KIF5C: variants seen among roughly 807,000 people sequenced by gnomAD.
KIF5C encodes kinesin heavy chain isoform 5C.
KIF5C carries 18 observed loss-of-function variants against 125.2 expected under a neutral mutation model. That is an observed-to-expected ratio of 0.14 (90% CI 0.10 to 0.21). The LOEUF (loss-of-function observed/expected upper bound fraction) is 0.21, where lower values mean the gene tolerates loss of function less well. KIF5C is among the 10% of genes least tolerant of loss of function. KIF5C has a pLI of 1.00. For missense variants in KIF5C, 780 were observed against 1,183.8 expected (o/e 0.66, Z 5.01); for synonymous variants, 405 against 434.0 (o/e 0.93, Z 0.83).
At chr2:148,991,412 G>A (rs947397404) in intron 16 of KIF5C, among the ~76,000 whole-genome samples, 6 of 151,962 alleles carry the variant, frequency 3.9e-5, no homozygotes, top group East Asian at 1.9e-4. Flanking sequence ...TCCCTTTTTC[G>A]AGGATATATC....
intron 16 of KIF5C, among the ~76,000 whole-genome samples, chr2:148,994,174 GT>G (rs918315680): frequency 3.9e-5 from 6 of 152,128 alleles, no homozygotes; most frequent in African/African-American, 1.4e-4. Flanking sequence ...TAACTGGATG[GT>G]GAGGAGGGGC....
intron 16 of KIF5C, 136 bp from the exon 17 acceptor site, chr2:148,994,284 TG>T: frequency 1.7e-6 from 2 of 1,201,654 alleles, no homozygotes; most frequent in Non-Finnish European, 2.3e-6. Context: ...AAGGGTAAAA[TG>T]GGCACCATTT....
intron 17 of KIF5C, 23 bp downstream of exon 17, chr2:148,994,561 G>T (rs1473877393): frequency 1.3e-6 from 2 of 1,551,450 alleles, no homozygotes; most frequent in Admixed American, 3.9e-5. Flanking sequence ...CTAACGTGCA[G>T]GTGTCAAACA....
intron 11 of KIF5C, among the ~76,000 whole-genome samples, chr2:148,967,909 G>A (rs977579608): frequency 6.6e-6 from 1 of 152,120 alleles, no homozygotes; most frequent in African/African-American, 2.4e-5. Context: ...TACAGCTCCA[G>A]CTCATGCTAA....
intron 25 of KIF5C, among the ~76,000 whole-genome samples, chr2:149,017,722 A>G (rs4591316): frequency 0.047 from 7,205 of 152,284 alleles, 601 homozygotes; most frequent in African/African-American, 0.16. Flanking sequence ...AAGGAATACA[A>G]TTCTCACAGA....
At chr2:148,990,921 C>A (rs1681507064) in intron 15 of KIF5C, 89 bp from the exon 16 acceptor site, 1 of 1,483,100 alleles carries the variant, frequency 6.7e-7, no homozygotes, top group Non-Finnish European at 9.0e-7. Context: ...TCCATGGACA[C>A]CTTGGGGATC....
At chr2:148,916,697 A>G (rs201626803) in intron 1 of KIF5C, among the ~76,000 whole-genome samples, 1 of 152,064 alleles carries the variant, frequency 6.6e-6, no homozygotes, top group East Asian at 1.9e-4. Flanking sequence ...CTCTTTGTTC[A>G]TTGGACTAAT....
chr2:149,001,465 G>A (rs2105187657), intron 21 of KIF5C, among the ~76,000 whole-genome samples: 1 of 152,314 alleles, frequency 6.6e-6, no homozygotes, highest in East Asian at 1.9e-4. Flanking sequence ...GGGATATAAG[G>A]TGAGCACAGA....
intron 21 of KIF5C, among the ~76,000 whole-genome samples, chr2:149,002,977 G>C (rs1473740043): frequency 6.6e-6 from 1 of 152,090 alleles, no homozygotes; most frequent in Non-Finnish European, 1.5e-5. Flanking sequence ...GCTGGGCGCG[G>C]TTCCATGCGC....
chr2:148,880,601 C>G (rs1681320965), intron 1 of KIF5C, among the ~76,000 whole-genome samples: 1 of 152,174 alleles, frequency 6.6e-6, no homozygotes, highest in Non-Finnish European at 1.5e-5. Context: ...AGTGGTTGTA[C>G]CAATTTGCAT....
intron 1 of KIF5C, among the ~76,000 whole-genome samples, chr2:148,896,165 G>A (rs1681834476): frequency 6.6e-6 from 1 of 152,194 alleles, no homozygotes; most frequent in Admixed American, 6.5e-5. Context: ...TCTGAAGCCA[G>A]GAAACCCATC....
chr2:148,955,338 A>G (rs1401512996), intron 10 of KIF5C, among the ~76,000 whole-genome samples: 1 of 152,192 alleles, frequency 6.6e-6, no homozygotes, highest in Admixed American at 6.5e-5. Context: ...TATGCTTAGC[A>G]CTTACAATCA....
At chr2:148,977,160 T>C (rs918304330) in intron 12 of KIF5C, among the ~76,000 whole-genome samples, 4 of 152,252 alleles carry the variant, frequency 2.6e-5, no homozygotes, top group Admixed American at 2.6e-4. Flanking sequence ...CTGATACAAG[T>C]GATCCACGTC....
In KIF5C at chr2:149,023,594, A is replaced by C. The variant is rs1192310054; in HGVS notation, c.*524A>C. On this transcript the variant is annotated 3_prime_UTR_variant, in exon 26 of 26. Coordinates refer to ENST00000435030, the MANE Select transcript of KIF5C (RefSeq NM_004522.3). ...CCGAAACAAATTACCCCAAAGACAC[A>C]TTTTGAATATCCTGGTCACATCTTT... 6.6e-6 allele frequency: 1 copy of C among 152,654 alleles called. No individual in the cohort carries two copies. 9.5% of individuals were successfully genotyped at this position (152,654 alleles called of 1,614,324 possible).
At chr2:148,922,463 T>A (rs1461078414) in intron 2 of KIF5C, among the ~76,000 whole-genome samples, 1 of 152,242 alleles carries the variant, frequency 6.6e-6, no homozygotes, top group Non-Finnish European at 1.5e-5. Flanking sequence ...CCACCTTTTT[T>A]ATTTTGTCAC....
At chr2:149,015,137 G>A (rs1360927706) in intron 25 of KIF5C, among the ~76,000 whole-genome samples, 3 of 152,160 alleles carry the variant, frequency 2.0e-5, no homozygotes, top group African/African-American at 4.8e-5. Flanking sequence ...GCAGTGAGCC[G>A]AGATTGTGCC....
At chr2:148,907,918 T>C (rs1681179739) in intron 1 of KIF5C, among the ~76,000 whole-genome samples, 3 of 152,226 alleles carry the variant, frequency 2.0e-5, no homozygotes, top group Non-Finnish European at 2.9e-5. Context: ...TTCCCAGTCA[T>C]TGGGGTCATC....
At chr2:149,007,874 T>TA in intron 22 of KIF5C, 89 bp from the exon 23 acceptor site, 1 of 1,310,092 alleles carries the variant, frequency 7.6e-7, no homozygotes, top group Non-Finnish European at 9.9e-7. Context: ...TTGGTGGGAA[T>TA]GGGGATTTTT....
chr2:149,006,411 C>T (rs1315418238), intron 22 of KIF5C, among the ~76,000 whole-genome samples: 1 of 152,082 alleles, frequency 6.6e-6, no homozygotes, highest in Non-Finnish European at 1.5e-5. Context: ...CAGGGAAATA[C>T]ATGCGGGTGG....
Sources: gnomAD v4.1 joint callset for allele counts (sites outside exome capture counted in the v4.1 genomes callset) on GRCh38, gnomAD v4.1.1 for gene constraint, MANE v1.5 for transcripts, NCBI Gene and HGNC (gene_info 2026-07-23, HGNC 2026-07-21) for gene names.